The following ATR variants were observed in gnomAD, a reference collection of about 807,000 sequenced individuals.
ATR encodes the protein serine/threonine-protein kinase ATR.
A neutral mutation model predicts 305.3 loss-of-function variants in ATR; 142 were observed. The ratio of observed to expected loss-of-function variants is 0.47; its 90% CI spans 0.41 to 0.53. The LOEUF (loss-of-function observed/expected upper bound fraction) is 0.53. ATR is among the 20% of genes least tolerant of loss of function. ATR has a pLI of 0.00. For synonymous variants in ATR, 1,050 were observed against 1,068.1 expected, an observed-to-expected ratio of 0.98 and a Z score of 0.33; for missense variants, 2,135 against 3,133.1, an observed-to-expected ratio of 0.68 and a Z score of 7.60.
chr3:142,452,679 C>T, intron 46 of ATR: 1 of 1,010,700 alleles, frequency 9.9e-7, no homozygotes, highest in Non-Finnish European at 1.2e-6. Flanking sequence ...GTCTCAAAAA[C>T]AACAACCACC....
chr3:142,561,070 T>C (rs540650687), intron 5 of ATR, among the ~76,000 whole-genome samples, 173 bp downstream of exon 5: 7 of 152,360 alleles, frequency 4.6e-5, no homozygotes, highest in Admixed American at 1.3e-4. Flanking sequence ...TGAAATGTTT[T>C]ATACTACTAA....
At chr3:142,480,250 T>C (rs1303764356) in intron 36 of ATR, among the ~76,000 whole-genome samples, 1 of 152,250 alleles carries the variant, frequency 6.6e-6, no homozygotes, top group Non-Finnish European at 1.5e-5. Flanking sequence ...GATAGTGACG[T>C]ACAGATGCGG....
At chr3:142,468,300 T>A (rs1007479869) in intron 38 of ATR, among the ~76,000 whole-genome samples, 1 of 152,138 alleles carries the variant, frequency 6.6e-6, no homozygotes, top group South Asian at 2.1e-4. Context: ...TAATTACAAG[T>A]GAGAATAAAC....
chr3:142,474,335 A>C (rs2071381307), intron 36 of ATR, among the ~76,000 whole-genome samples: 1 of 152,166 alleles, frequency 6.6e-6, no homozygotes, highest in South Asian at 2.1e-4. Flanking sequence ...CACTATGAAC[A>C]TTTTAATAAT....
At chr3:142,561,122 G>T in intron 5 of ATR, 121 bp downstream of exon 5, 5 of 1,118,710 alleles carry the variant, frequency 4.5e-6, no homozygotes, top group Non-Finnish European at 6.6e-6. Flanking sequence ...CACTCCCTTG[G>T]CTACATTTAG....
chr3:142,474,487 A>G (rs972244996), intron 36 of ATR, among the ~76,000 whole-genome samples: 2 of 152,106 alleles, frequency 1.3e-5, no homozygotes, highest in Non-Finnish European at 2.9e-5. Flanking sequence ...TTATTTTTGT[A>G]GCTACTGTAA....
chr3:142,500,273 AAT>A (rs1221035075), intron 30 of ATR, among the ~76,000 whole-genome samples: 1 of 152,194 alleles, frequency 6.6e-6, no homozygotes, highest in Non-Finnish European at 1.5e-5. Context: ...AGCTACGTAA[AAT>A]ATATACCTAT....
intron 30 of ATR, among the ~76,000 whole-genome samples, chr3:142,500,479 A>C (rs2031899167): frequency 1.3e-5 from 2 of 152,142 alleles, no homozygotes. Context: ...AATTTCTGCC[A>C]TATGTTTAGA....
chr3:142,539,820 T>A (rs1441489689), intron 18 of ATR, among the ~76,000 whole-genome samples: 1 of 152,148 alleles, frequency 6.6e-6, no homozygotes, highest in Non-Finnish European at 1.5e-5. Flanking sequence ...ACAGAAGGAA[T>A]AATAAAATTA....
intron 16 of ATR, among the ~76,000 whole-genome samples, chr3:142,544,037 G>A (rs1341202403): frequency 2.0e-5 from 3 of 152,026 alleles, no homozygotes. Context: ...GCCAAATCTA[G>A]GTTTGAATCT....
chr3:142,536,160 G>A lies in ATR; in HGVS notation c.3767C>T (p.Pro1256Leu). 1 of 1,591,642 alleles carries A rather than the reference G, an allele frequency of 6.3e-7. No individual in the cohort carries two copies. The highest frequency in any genetic ancestry group is 8.6e-7 in the Non-Finnish European group (1 of 1,160,280). The change falls in exon 20 of 47, where the codon CCT becomes CTT. Residue 1256 changes from proline (P) to leucine (L), a missense_variant. Physicochemically the swap from Pro to Leu is moderately conservative, Grantham distance 98. Around this residue, in one of 9 missense-constraint regions of ATR, gnomAD observed 530 missense variants for 766.8 expected, o/e 0.69. Transcript: ENST00000350721. ...TATCTTTTTTAATTCTGGATGATCA[G>A]GTAAAAAATATATTTCATGAAGAAA... Reference protein sequence around the residue: ...QDFLHEIYFLPDHPELKKIKA... With the variant: ...QDFLHEIYFLLDHPELKKIKA...
intron 22 of ATR, 40 bp from the exon 23 acceptor site, chr3:142,522,881 G>T (rs1285151477): frequency 2.0e-5 from 30 of 1,470,140 alleles, no homozygotes; most frequent in African/African-American, 2.8e-5. Flanking sequence ...CAGGATAACT[G>T]CTATAAATTT....
chr3:142,517,198 G>A (rs2032904905), intron 24 of ATR, among the ~76,000 whole-genome samples: 1 of 151,486 alleles, frequency 6.6e-6, no homozygotes, highest in African/African-American at 2.4e-5. Flanking sequence ...ATACAAGCCA[G>A]GCTCTGCCTA....
Position 142,470,156 on chromosome 3 carries a change from T to C in ATR, c.6249A>G (p.Ile2083Met). Reference protein sequence around the residue: ...GRSLQYGNQFIYQSMPRMLTL... With the variant: ...GRSLQYGNQFMYQSMPRMLTL... The stretch of plus-strand genomic sequence containing the variant: ...TTAACATTCGTGGCATTGACTGATA[T>C]ATGAACTGATTTCCATATTGTAGAG... Residue 2083 changes from isoleucine (I) to methionine (M), a missense_variant, in exon 37 of 47, where the codon ATA becomes ATG. Ile to Met is a conservative substitution (Grantham distance 10, BLOSUM62 1). Transcript: ENST00000350721. 1.9e-6 allele frequency: 3 copies of C among 1,609,188 alleles called. No homozygotes were observed. Among genetic ancestry groups the C allele is most frequent in the Non-Finnish European group, 2.5e-6 (3 of 1,176,592 alleles).
At chr3:142,545,905 A>G (rs918036593) in intron 16 of ATR, among the ~76,000 whole-genome samples, 1 of 152,176 alleles carries the variant, frequency 6.6e-6, no homozygotes, top group Non-Finnish European at 1.5e-5. Flanking sequence ...AAGGGAAAAT[A>G]AAGATTTCTA....
chr3:142,451,535 T>C (rs2070788865), intron 46 of ATR: 1 of 1,380,814 alleles, frequency 7.2e-7, no homozygotes, highest in Admixed American at 2.2e-5. Context: ...CACCAACACC[T>C]ATATCCAGAG....
intron 41 of ATR, among the ~76,000 whole-genome samples, chr3:142,463,295 C>T (rs1362966198): frequency 1.3e-5 from 2 of 152,166 alleles, no homozygotes; most frequent in Admixed American, 6.5e-5. Flanking sequence ...CCACTTGATA[C>T]TCAAGTAAAT....
chr3:142,493,326 G>T lies in ATR; in HGVS notation c.5899-15C>A. ...TGAACATCACCCTAAAAGAAAAAAG[G>T]CAACAATAAGCCTTTTAATTTAAAA... On this transcript the variant is annotated splice_polypyrimidine_tract_variant and intron_variant, in intron 34 of 46. Coordinates refer to ENST00000350721, the MANE Select transcript of ATR (RefSeq NM_001184.4). 1 of 1,601,188 alleles carries T rather than the reference G, an allele frequency of 6.2e-7. No individual in the cohort carries two copies. The highest frequency in any genetic ancestry group is 1.1e-5 in the South Asian group (1 of 89,224).
chr3:142,449,702 C>A, intron 46 of ATR, 100 bp from the exon 47 acceptor site: 2 of 1,229,796 alleles, frequency 1.6e-6, no homozygotes, highest in Non-Finnish European at 1.2e-6. Context: ...TACCATTTTA[C>A]TGACCAATAC....
Sources: allele counts gnomAD v4.1 joint callset (sites outside exome capture counted in the v4.1 genomes callset), GRCh38; gene constraint gnomAD v4.1.1; regional missense constraint gnomAD v4.1.1; transcripts MANE v1.5; gene names NCBI Gene and HGNC (gene_info 2026-07-23, HGNC 2026-07-21).